The following NTSR1 variants were observed in gnomAD, a reference collection of about 807,000 sequenced individuals.
NTSR1 encodes neurotensin receptor type 1.
A neutral mutation model predicts 31.2 loss-of-function variants in NTSR1; 29 were observed. The ratio of observed to expected loss-of-function variants is 0.93; its 90% CI spans 0.69 to 1.27. NTSR1 has a LOEUF of 1.27. Among genes scored for constraint, NTSR1 ranks in the 50% most tolerant of loss-of-function variants. NTSR1 has a pLI of 0.00. For missense variants in NTSR1, 697 were observed against 595.4 expected (o/e 1.17, Z -1.78); for synonymous variants, 282 against 269.9 (o/e 1.04, Z -0.44).
rs1989008857 is a variant in NTSR1 at position 62,732,017 on chromosome 20, G to A, written c.714+22096G>A. On this transcript the variant is annotated intron_variant, in intron 1 of 3. Transcript: ENST00000370501. The surrounding 1 kb of genome is among the most constrained non-coding windows in gnomAD (Gnocchi z 4.0). ...TGCCTGAAATCCCAAGTACTCAAGAGGCTGAGGCAGGAGAATCACTTGAAC... is the reference window on the plus strand; with the variant it reads ...TGCCTGAAATCCCAAGTACTCAAGAAGCTGAGGCAGGAGAATCACTTGAAC... Among the ~76,000 whole-genome samples the A allele has an allele frequency of 6.6e-6, 1 of 152,104 alleles. No individual in the cohort carries two copies. The highest frequency in any genetic ancestry group is 1.5e-5 in the Non-Finnish European group (1 of 68,028).
intron 1 of NTSR1, among the ~76,000 whole-genome samples, chr20:62,713,106 G>A (rs1988649002): frequency 6.6e-6 from 1 of 152,166 alleles, no homozygotes; most frequent in South Asian, 2.1e-4. Flanking sequence ...AACCCTCCCA[G>A]CCTCACAGGC....
chr20:62,717,842 C>A (rs1298237101), intron 1 of NTSR1, among the ~76,000 whole-genome samples: 1 of 152,190 alleles, frequency 6.6e-6, no homozygotes, highest in Admixed American at 6.5e-5. Flanking sequence ...TTTGAACTCA[C>A]GTCCCATCAG....
chr20:62,751,697 C>A (rs1182463676), intron 1 of NTSR1, among the ~76,000 whole-genome samples: 1 of 152,250 alleles, frequency 6.6e-6, no homozygotes, highest in Non-Finnish European at 1.5e-5. Flanking sequence ...AGGGCCTACC[C>A]AGGCCTTTTG....
In NTSR1 at chr20:62,754,874, G is replaced by C. The variant is rs200139589; in HGVS notation, c.904G>C (p.Val302Leu). 1 of 1,600,410 alleles carries C rather than the reference G, an allele frequency of 6.2e-7. No homozygotes were observed. The highest frequency in any genetic ancestry group is 8.5e-7 in the Non-Finnish European group (1 of 1,177,646). ...CAGGGTCCAGGCCCTGCGGCACGGCGTGCGCGTCCTACGTACGTAACCTCT... is the reference window on the plus strand; with the variant it reads ...CAGGGTCCAGGCCCTGCGGCACGGCCTGCGCGTCCTACGTACGTAACCTCT... ...PGRVQALRHG[V>L]RVLRAVVIAF... The change falls in exon 2 of 4, where the codon GTG becomes CTG. Residue 302 changes from valine (V) to leucine (L), a missense_variant. By Grantham distance (32) the Val-to-Leu change is conservative. Transcript: ENST00000370501.
intron 3 of NTSR1, among the ~76,000 whole-genome samples, chr20:62,759,624 A>T (rs570219121): frequency 6.6e-6 from 1 of 152,208 alleles, no homozygotes; most frequent in South Asian, 2.1e-4. Context: ...AATACAAAAA[A>T]TTAGCCGGGC....
At chr20:62,725,466 C>T (rs578135655) in intron 1 of NTSR1, among the ~76,000 whole-genome samples, 2 of 152,300 alleles carry the variant, frequency 1.3e-5, no homozygotes, top group African/African-American at 4.8e-5. Context: ...CCCGTCTCCC[C>T]CCCGCTGCCT....
chr20:62,754,599 A>G, intron 1 of NTSR1, 86 bp from the exon 2 acceptor site: 3 of 1,093,708 alleles, frequency 2.7e-6, no homozygotes, highest in Non-Finnish European at 4.1e-6. Flanking sequence ...CAGGCCTGAC[A>G]CCCCAATCAG....
chr20:62,752,785 C>A (rs1337038406), intron 1 of NTSR1, among the ~76,000 whole-genome samples: 2 of 152,160 alleles, frequency 1.3e-5, no homozygotes, highest in African/African-American at 2.4e-5. Context: ...CCCCTGTCCC[C>A]GCTCCCAGCA....
intron 1 of NTSR1, among the ~76,000 whole-genome samples, chr20:62,724,410 C>T (rs544786513): frequency 1.2e-4 from 17 of 145,968 alleles, no homozygotes; most frequent in South Asian, 9.3e-4. Context: ...AGACTAGAAG[C>T]GGGTAATTGC....
intron 1 of NTSR1, among the ~76,000 whole-genome samples, chr20:62,728,720 C>A (rs1388773540): frequency 6.6e-6 from 1 of 152,166 alleles, no homozygotes; most frequent in Non-Finnish European, 1.5e-5. Context: ...CAGGCCAACA[C>A]CCGGAGGCCA....
intron 1 of NTSR1, among the ~76,000 whole-genome samples, chr20:62,737,145 G>A (rs952226524): frequency 6.6e-6 from 1 of 152,176 alleles, no homozygotes; most frequent in Admixed American, 6.5e-5. Flanking sequence ...AGTCTTTCCC[G>A]GATGGATGGT....
chr20:62,761,980 A>T lies in NTSR1; in HGVS notation c.*1713A>T, dbSNP rs1989632493. The T allele has an allele frequency of 6.6e-6, 1 of 152,198 alleles. No individual in the cohort carries two copies. The highest frequency in any genetic ancestry group is 1.5e-5 in the Non-Finnish European group (1 of 68,118). 9.4% of individuals were successfully genotyped at this position (152,198 alleles called of 1,614,324 possible). A position where few individuals can be genotyped will look rare whatever the true frequency, so the allele number is the denominator to read the frequency against. Reference sequence around the variant, plus strand: ...CCCTCCCAGTGCCCAAGGGCCACCAACCCCAGGGAAACAGGGCCAGCACAG... The same window carrying T: ...CCCTCCCAGTGCCCAAGGGCCACCATCCCCAGGGAAACAGGGCCAGCACAG... On this transcript the variant is annotated 3_prime_UTR_variant, in exon 4 of 4. Transcript: ENST00000370501.
chr20:62,709,975 T>A, intron 1 of NTSR1, 54 bp downstream of exon 1: 7 of 1,357,770 alleles, frequency 5.2e-6, no homozygotes, highest in Non-Finnish European at 7.0e-6. Flanking sequence ...CCAAAAGCAG[T>A]GCCAGTGGTG....
In NTSR1 at chr20:62,758,471, C is replaced by A. The variant is rs559524369; in HGVS notation, c.1007+115C>A. 2.3e-6 allele frequency: 2 copies of A among 865,148 alleles called. No individual in the cohort carries two copies. Among genetic ancestry groups the A allele is most frequent in the South Asian group, 1.6e-5 (1 of 64,408 alleles). 53.6% of individuals were successfully genotyped at this position (865,148 alleles called of 1,614,324 possible). A position where few individuals can be genotyped will look rare whatever the true frequency, so the allele number is the denominator to read the frequency against. On this transcript the variant is annotated intron_variant, in intron 3 of 3. Transcript: ENST00000370501. The surrounding 1 kb of genome is among the most constrained non-coding windows in gnomAD (Gnocchi z 4.5). Reference sequence around the variant, plus strand: ...CACTCAGGGCAGGGGTGTGGTGAGTCCCCCGGCGACCCCCTGGGCAGGGTT... The same window carrying A: ...CACTCAGGGCAGGGGTGTGGTGAGTACCCCGGCGACCCCCTGGGCAGGGTT...
intron 1 of NTSR1, among the ~76,000 whole-genome samples, chr20:62,724,876 G>A (rs950850167): frequency 2.0e-5 from 3 of 152,170 alleles, no homozygotes; most frequent in Non-Finnish European, 4.4e-5. Context: ...CTGTCTCCAC[G>A]TGGCTTCCCC....
In NTSR1 at chr20:62,744,874, T is replaced by C. The variant is rs1231805825; in HGVS notation, c.715-9811T>C. ...AGAGGCTTGAGGCCCTACCAACCACTCAAACGCCATTCCCAGACCCAGACA... is the reference window on the plus strand; with the variant it reads ...AGAGGCTTGAGGCCCTACCAACCACCCAAACGCCATTCCCAGACCCAGACA... On this transcript the variant is annotated intron_variant, in intron 1 of 3. Transcript: ENST00000370501. This position sits in a 1 kb window ranked among gnomAD's most constrained non-coding sequence, Gnocchi z 4.1. 6.6e-6 allele frequency among the ~76,000 whole-genome samples: 1 copy of C among 151,748 alleles called. No homozygotes were observed. Among genetic ancestry groups the C allele is most frequent in the East Asian group, 1.9e-4 (1 of 5,162 alleles).
rs202014500 is a variant in NTSR1 at position 62,760,127 on chromosome 20, C to T, written c.1117C>T (p.His373Tyr). Residue 373 changes from histidine to tyrosine, a missense_variant, in exon 4 of 4, where the codon CAC (histidine) becomes TAC (tyrosine). Transcript: ENST00000370501. ...CAACCTCGTCTCTGCCAACTTCCGC[C>T]ACATCTTCCTGGCCACACTGGCCTG... is the stretch of plus-strand genomic sequence containing the variant. ...LYNLVSANFR[H>Y]IFLATLACLC... The T allele has an allele frequency of 6.2e-7, 1 of 1,614,184 alleles. No homozygotes were observed. Among genetic ancestry groups the T allele is most frequent in the Admixed American group, 1.7e-5 (1 of 60,030 alleles).
At position 62,727,784 on chromosome 20, in the gene NTSR1, C is replaced by T. The variant is rs144087140; in HGVS notation, c.714+17863C>T. On this transcript the variant is annotated intron_variant, in intron 1 of 3. Transcript: ENST00000370501. ...CCCCGGCCTCAGAACTGCACAGCAGCGGCCACCAGGGCCACAGCCGAGGGC... is the reference window on the plus strand; with the variant it reads ...CCCCGGCCTCAGAACTGCACAGCAGTGGCCACCAGGGCCACAGCCGAGGGC... Among the ~76,000 whole-genome samples, 1,034 of 152,386 alleles carry T rather than the reference C, an allele frequency of 6.8e-3. 1 individual carries two copies. The highest frequency in any genetic ancestry group is 0.011 in the Non-Finnish European group (731 of 68,040).
In NTSR1 at chr20:62,709,442, G is replaced by C. The variant is rs1425464306; in HGVS notation, c.235G>C (p.Val79Leu). ...CCTGGCGCTCTTCGTGGTGGGCACG[G>C]TGGGCAACACGGTGACGGCGTTCAC... ...VYLALFVVGT[V>L]GNTVTAFTLA... Residue 79 changes from valine (V) to leucine (L), a missense_variant, in exon 1 of 4, where the codon GTG (valine) becomes CTG (leucine). By Grantham distance (32) the Val-to-Leu change is conservative (BLOSUM62 1). Transcript: ENST00000370501. The C allele has an allele frequency of 3.7e-6, 6 of 1,612,376 alleles. No individual in the cohort carries two copies. In the African/African-American group the frequency reaches 8.0e-5, roughly 22 times the overall value.
Sources: gnomAD v4.1 joint callset for allele counts (sites outside exome capture counted in the v4.1 genomes callset) on GRCh38, gnomAD v4.1.1 for gene constraint, Gnocchi (gnomAD v3.1) non-coding constraint, MANE v1.5 for transcripts, NCBI Gene and HGNC (gene_info 2026-07-23, HGNC 2026-07-21) for gene names.